The following GAB4 variants were observed in gnomAD, a reference collection of about 807,000 sequenced individuals.
GAB4 encodes the protein GRB2 associated binding protein family member 4, also known as GRB2-associated-binding protein 4.
In GAB4, 26 loss-of-function variants were observed where a neutral mutation model predicts 51.3. The ratio of observed to expected loss-of-function variants is 0.51; its 90% CI spans 0.37 to 0.70. The LOEUF (loss-of-function observed/expected upper bound fraction) is 0.70. Ranked by LOEUF, GAB4 falls within the 30% of genes least tolerant of loss-of-function variation. GAB4 has a pLI of 0.00. For missense variants in GAB4, 759 were observed against 734.6 expected (o/e 1.03, Z -0.38); for synonymous variants, 329 against 291.2 (o/e 1.13, Z -1.32).
chr22:16,978,417 A>G (rs1415409548), intron 3 of GAB4, among the ~76,000 whole-genome samples: 11 of 152,322 alleles, frequency 7.2e-5, no homozygotes, highest in African/African-American at 2.4e-4. Flanking sequence ...TATGCAAATA[A>G]ACTAGAAAAT....
At chr22:16,986,833 T>C (rs1418594145) in intron 3 of GAB4, among the ~76,000 whole-genome samples, 1 of 152,204 alleles carries the variant, frequency 6.6e-6, no homozygotes, top group Non-Finnish European at 1.5e-5. Flanking sequence ...ATCGCATTGC[T>C]TCAGGAAAAT....
At chr22:16,985,801 C>T (rs372921238) in intron 3 of GAB4, among the ~76,000 whole-genome samples, 4 of 152,334 alleles carry the variant, frequency 2.6e-5, no homozygotes, top group African/African-American at 9.6e-5. Flanking sequence ...CATCTCACTA[C>T]AGCACACGAC....
intron 1 of GAB4, among the ~76,000 whole-genome samples, chr22:17,003,907 T>A (rs1404081922): frequency 1.3e-5 from 2 of 151,626 alleles, no homozygotes; most frequent in Non-Finnish European, 3.0e-5. Flanking sequence ...AAAAATTAGA[T>A]AGACCGCTAG....
intron 3 of GAB4, among the ~76,000 whole-genome samples, chr22:16,974,740 C>T (rs5748774): frequency 6.6e-6 from 1 of 152,094 alleles, no homozygotes. Context: ...AAATAGGAAC[C>T]GCTCTGGTCT....
At chr22:16,972,427 G>A (rs2060739788) in intron 3 of GAB4, among the ~76,000 whole-genome samples, 1 of 152,212 alleles carries the variant, frequency 6.6e-6, no homozygotes, top group African/African-American at 2.4e-5. Context: ...GCAGAACACA[G>A]CCTGGCAGTT....
rs1441617680 is a variant in GAB4 at position 16,970,163 on chromosome 22, G to A, written c.717C>T (p.Ala239=). 1 of 1,614,086 alleles carries A rather than the reference G, an allele frequency of 6.2e-7. No individual in the cohort carries two copies. Among genetic ancestry groups the A allele is most frequent in the South Asian group, 1.1e-5 (1 of 91,068 alleles). Residue 239 remains alanine (A), a synonymous_variant, in exon 4 of 10, where the codon GCC becomes GCT. Transcript: ENST00000400588. ...RSASFSQGSE[A]PFIMRRNTAM... is the part of the protein sequence containing the mutation. ...CTGTGTTTCTCCTCATGATGAATGG[G>A]GCCTCAGAACCCTGGGAGAAGCTGG...
At chr22:16,976,880 A>G (rs1438706934) in intron 3 of GAB4, among the ~76,000 whole-genome samples, 1 of 152,256 alleles carries the variant, frequency 6.6e-6, no homozygotes, top group Non-Finnish European at 1.5e-5. Context: ...ATTCTTAAAG[A>G]AAAGAATTTT....
At position 17,008,194 on chromosome 22, in the gene GAB4, C is replaced by G; in HGVS notation, c.-80G>C. 1 of 1,027,314 alleles carries G rather than the reference C, an allele frequency of 9.7e-7. No individual in the cohort carries two copies. 63.6% of individuals were successfully genotyped at this position (1,027,314 alleles called of 1,614,324 possible). On this transcript the variant is annotated 5_prime_UTR_variant, in exon 1 of 10. Transcript: ENST00000400588. Reference sequence around the variant, plus strand: ...GAGGTGGGGTGTGAGGGACGGCTTGCGATACCCTGGGACTGCGGGGTAGAA... The same window carrying G: ...GAGGTGGGGTGTGAGGGACGGCTTGGGATACCCTGGGACTGCGGGGTAGAA...
rs1024731 is a variant in GAB4 at position 16,962,348 on chromosome 22, T to A, written c.*385A>T. On this transcript the variant is annotated 3_prime_UTR_variant, in exon 10 of 10. Transcript: ENST00000400588. ...AATGCCAGGGCTGAAAAGGTCCATG[T>A]CCACTGTGGCCTGTGGGCCTTGGGT... The A allele has an allele frequency of 0.58, 97,094 of 168,318 alleles. 28,326 individuals carry two copies. Among genetic ancestry groups the A allele is most frequent in the Admixed American group, 0.65 (10,305 of 15,910 alleles). The allele number at this position is 168,318 out of a possible 1,614,324, so 10.4% of individuals were successfully genotyped here.
intron 3 of GAB4, among the ~76,000 whole-genome samples, chr22:16,984,441 C>T (rs1204378829): frequency 6.6e-6 from 1 of 152,212 alleles, no homozygotes; most frequent in African/African-American, 2.4e-5. Flanking sequence ...AGCAATCTCA[C>T]TGCTGGGTAT....
At chr22:16,985,975 G>A (rs776152540) in intron 3 of GAB4, among the ~76,000 whole-genome samples, 1 of 152,212 alleles carries the variant, frequency 6.6e-6, no homozygotes. Flanking sequence ...TGCTGGGAGA[G>A]AGAACATAAA....
Position 16,963,754 on chromosome 22 carries a change from A to G in GAB4, c.1552T>C (p.Tyr518His). 6.2e-7 allele frequency: 1 copy of G among 1,613,756 alleles called. No individual in the cohort carries two copies. The highest frequency in any genetic ancestry group is 8.5e-7 in the Non-Finnish European group (1 of 1,179,942). ...APPRSTGNIH[Y>H]AALDFQPSKP... ...CTCGGCTGGAAGTCCAGGGCCGCGT[A>G]GTGGATGTTACCAGTGCTCCTCGGC... Residue 518 changes from tyrosine to histidine, a missense_variant, in exon 9 of 10, where the codon TAC (tyrosine) becomes CAC (histidine). This residue lies in a region of GAB4 where 588 missense variants were observed against 510.2 expected (regional missense o/e 1.15). Coordinates refer to ENST00000400588, the MANE Select transcript of GAB4 (RefSeq NM_001037814.1).
intron 6 of GAB4, 139 bp from the exon 7 acceptor site, chr22:16,965,407 T>C (rs2060664651): frequency 1.5e-6 from 1 of 671,502 alleles, no homozygotes; most frequent in African/African-American, 1.8e-5. Context: ...GACTGAGGCT[T>C]GGCAAGGCTC....
chr22:16,968,221 A>T, intron 5 of GAB4, 77 bp downstream of exon 5: 3 of 986,326 alleles, frequency 3.0e-6, no homozygotes, highest in Middle Eastern at 4.1e-4. Flanking sequence ...CCTTTGGGGG[A>T]TGTGCTTTTA....
chr22:16,980,414 C>T (rs1329887881), intron 3 of GAB4, among the ~76,000 whole-genome samples: 1 of 152,214 alleles, frequency 6.6e-6, no homozygotes, highest in African/African-American at 2.4e-5. Flanking sequence ...AAAAGCTCAT[C>T]ATCACTGGTC....
intron 3 of GAB4, among the ~76,000 whole-genome samples, chr22:16,971,308 G>A (rs1040999755): frequency 5.3e-5 from 8 of 152,210 alleles, no homozygotes; most frequent in African/African-American, 1.4e-4. Flanking sequence ...CGCTGCCACC[G>A]ATAAGCTCTG....
chr22:16,988,278 T>C (rs1385056071), intron 2 of GAB4, 111 bp from the exon 3 acceptor site: 11 of 750,558 alleles, frequency 1.5e-5, no homozygotes, highest in South Asian at 1.1e-4. Flanking sequence ...TCCTCTCACA[T>C]GCCTGCCTCC....
rs1020008923 is a variant in GAB4 at position 16,998,845 on chromosome 22, A to T, written c.175-6669T>A. On this transcript the variant is annotated intron_variant, in intron 1 of 9. Transcript: ENST00000400588. Reference sequence around the variant, plus strand: ...ATCTAGTTCATTGAGAGTTTTTAGCATGAAGGGCTGTTGAATTTTGTCGAA... The same window carrying T: ...ATCTAGTTCATTGAGAGTTTTTAGCTTGAAGGGCTGTTGAATTTTGTCGAA... 4.5e-4 allele frequency among the ~76,000 whole-genome samples: 68 copies of T among 152,222 alleles called. 1 individual carries two copies. Among genetic ancestry groups the T allele is most frequent in the Admixed American group, 2.5e-3 (38 of 15,278 alleles).
chr22:16,997,806 TTG>T (rs2060961952), intron 1 of GAB4, among the ~76,000 whole-genome samples: 2 of 151,642 alleles, frequency 1.3e-5, no homozygotes, highest in Non-Finnish European at 3.0e-5. Flanking sequence ...TTAATCCATC[TTG>T]AATTAATTTT....
Sources: allele counts gnomAD v4.1 joint callset (sites outside exome capture counted in the v4.1 genomes callset), GRCh38; gene constraint gnomAD v4.1.1; regional missense constraint gnomAD v4.1.1; transcripts MANE v1.5; gene names NCBI Gene and HGNC (gene_info 2026-07-23, HGNC 2026-07-21).